ABTB3: variants seen among roughly 807,000 people sequenced by gnomAD.
The protein encoded by ABTB3 is ankyrin repeat and BTB domain containing 3.
the ABTB3 span, among the ~76,000 whole-genome samples, chr12:107,552,751 T>C: frequency 6.6e-6 from 1 of 152,164 alleles, no homozygotes; most frequent in Admixed American, 6.5e-5. Flanking sequence ...TTACTTATGT[T>C]TTGCCCTCTT....
the ABTB3 span, among the ~76,000 whole-genome samples, chr12:107,633,454 G>T: frequency 1.3e-5 from 2 of 152,302 alleles, no homozygotes; most frequent in Non-Finnish European, 2.9e-5. Flanking sequence ...AGTCGCTTTT[G>T]CCATGTAAAG....
chr12:107,543,774 A>G, the ABTB3 span, among the ~76,000 whole-genome samples: 1 of 151,876 alleles, frequency 6.6e-6, no homozygotes, highest in Non-Finnish European at 1.5e-5. Context: ...GAATGAATGA[A>G]TCCATTCCTC....
the ABTB3 span, among the ~76,000 whole-genome samples, chr12:107,574,984 G>A: frequency 2.0e-5 from 3 of 152,138 alleles, no homozygotes; most frequent in Non-Finnish European, 4.4e-5. Flanking sequence ...CCATCTTCCC[G>A]GCTTTGGTGC....
At chr12:107,491,027 T>C in the ABTB3 span, among the ~76,000 whole-genome samples, 1 of 152,146 alleles carries the variant, frequency 6.6e-6, no homozygotes, top group African/African-American at 2.4e-5. Context: ...CAAAGCCATA[T>C]GGGGGCCACA....
the ABTB3 span, among the ~76,000 whole-genome samples, chr12:107,567,897 A>G: frequency 6.6e-6 from 1 of 152,178 alleles, no homozygotes; most frequent in Admixed American, 6.5e-5. Flanking sequence ...CCTGGTGCCA[A>G]AAAGATTGGG....
chr12:107,516,017 T>C, the ABTB3 span, among the ~76,000 whole-genome samples: 24 of 146,168 alleles, frequency 1.6e-4, no homozygotes, highest in Admixed American at 9.7e-4. Flanking sequence ...ATGGAAATTA[T>C]GAAGAGTGTG....
the ABTB3 span, among the ~76,000 whole-genome samples, chr12:107,474,223 A>G: frequency 6.4e-4 from 97 of 152,250 alleles, no homozygotes; most frequent in Non-Finnish European, 1.0e-3. Flanking sequence ...GACATCCAGC[A>G]TGGGGCTGGA....
At chr12:107,608,747 C>G in the ABTB3 span, among the ~76,000 whole-genome samples, 1 of 151,576 alleles carries the variant, frequency 6.6e-6, no homozygotes, top group Non-Finnish European at 1.5e-5. Context: ...GGTGCATCCC[C>G]GTAGTCTCAG....
At chr12:107,555,764 A>C in the ABTB3 span, among the ~76,000 whole-genome samples, 1 of 152,212 alleles carries the variant, frequency 6.6e-6, no homozygotes, top group Non-Finnish European at 1.5e-5. Flanking sequence ...ATTGTACAGC[A>C]TAGGACATTC....
chr12:107,464,779 T>A, the ABTB3 span, among the ~76,000 whole-genome samples: 2 of 152,174 alleles, frequency 1.3e-5, no homozygotes, highest in Non-Finnish European at 2.9e-5. Context: ...TGGTTCTCTA[T>A]CAAAGGCAGT....
chr12:107,372,651 C>T, the ABTB3 span, among the ~76,000 whole-genome samples: 3 of 152,186 alleles, frequency 2.0e-5, no homozygotes, highest in Non-Finnish European at 2.9e-5. Flanking sequence ...CCTGAAGATA[C>T]ACCCACCCCA....
At chr12:107,420,892 T>A in the ABTB3 span, among the ~76,000 whole-genome samples, 9 of 152,174 alleles carry the variant, frequency 5.9e-5, no homozygotes, top group African/African-American at 1.9e-4. Context: ...TTTCTATTTT[T>A]CTTCCTGCCC....
chr12:107,635,424 G>C, the ABTB3 span: 1 of 1,591,718 alleles, frequency 6.3e-7, no homozygotes, highest in South Asian at 1.1e-5. Context: ...GTTGGCTGCT[G>C]CTTTGTGATT....
the ABTB3 span, among the ~76,000 whole-genome samples, chr12:107,589,614 C>T: frequency 6.6e-6 from 1 of 152,248 alleles, no homozygotes; most frequent in Admixed American, 6.5e-5. Context: ...AGGACCTGTG[C>T]AGATGGGAAA....
the ABTB3 span, among the ~76,000 whole-genome samples, chr12:107,473,805 CTTT>C: frequency 2.1e-5 from 3 of 142,282 alleles, no homozygotes; most frequent in African/African-American, 2.6e-5. Context: ...TTTTCTTTTT[CTTT>C]TTTTTTTTTT....
chr12:107,479,075 T>C, the ABTB3 span, among the ~76,000 whole-genome samples: 2 of 152,196 alleles, frequency 1.3e-5, no homozygotes, highest in Non-Finnish European at 2.9e-5. Context: ...AAAATTGTGC[T>C]GCATACATTT....
chr12:107,330,556 G>A, the ABTB3 span, among the ~76,000 whole-genome samples: 2 of 152,110 alleles, frequency 1.3e-5, no homozygotes, highest in African/African-American at 4.8e-5. Flanking sequence ...CTGGTTTAAC[G>A]CTCACATTTT....
At chr12:107,575,062 A>G in the ABTB3 span, among the ~76,000 whole-genome samples, 5 of 152,228 alleles carry the variant, frequency 3.3e-5, no homozygotes, top group Non-Finnish European at 7.3e-5. Flanking sequence ...TCTACTATCA[A>G]TTTAGCTGCT....
chr12:107,464,266 T>C, the ABTB3 span, among the ~76,000 whole-genome samples: 1 of 142,108 alleles, frequency 7.0e-6, no homozygotes, highest in Admixed American at 7.1e-5. Context: ...TGTGTATTTA[T>C]GCAGTGGCCA....
Sources: allele counts gnomAD v4.1 joint callset (sites outside exome capture counted in the v4.1 genomes callset), GRCh38; gene constraint gnomAD v4.1.1; transcripts MANE v1.5; gene names NCBI Gene and HGNC (gene_info 2026-07-23, HGNC 2026-07-21).